NRG1: variants seen among roughly 807,000 people sequenced by gnomAD.
NRG1 encodes the protein pro-neuregulin-1, membrane-bound isoform.
A neutral mutation model predicts 63.8 loss-of-function variants in NRG1; 18 were observed. That is an observed-to-expected ratio of 0.28 (90% CI 0.19 to 0.42). The LOEUF (loss-of-function observed/expected upper bound fraction) is 0.42. Ranked by LOEUF, NRG1 falls within the 10% of genes least tolerant of loss-of-function variation. The pLI is 1.00. For synonymous variants in NRG1, 302 were observed against 301.3 expected (o/e 1.00, Z -0.02); for missense variants, 762 against 814.7 (o/e 0.94, Z 0.79).
At chr8:32,165,251 A>G (rs1170981914) in intron 1 of NRG1, among the ~76,000 whole-genome samples, 1 of 151,664 alleles carries the variant, frequency 6.6e-6, no homozygotes, top group African/African-American at 2.4e-5. Context: ...CAATCTTCCT[A>G]CCTCAGCCTT....
intron 1 of NRG1, among the ~76,000 whole-genome samples, chr8:31,779,961 T>TAAAC (rs961152377): frequency 6.6e-6 from 1 of 152,184 alleles, no homozygotes; most frequent in Admixed American, 6.5e-5. Context: ...GATTACAACA[T>TAAAC]AAACAAGAAC....
intron 1 of NRG1, among the ~76,000 whole-genome samples, chr8:32,355,670 A>G (rs1001962823): frequency 1.3e-4 from 4 of 31,660 alleles, no homozygotes; most frequent in East Asian, 1.2e-3. Flanking sequence ...AAGAAGGGGG[A>G]AAAAAAAAAC....
intron 1 of NRG1, among the ~76,000 whole-genome samples, chr8:32,373,277 G>T (rs756785560): frequency 7.2e-5 from 11 of 152,172 alleles, no homozygotes; most frequent in Admixed American, 1.3e-4. Flanking sequence ...AAGACCTGGT[G>T]TAACTGGAAT....
chr8:32,112,203 A>G (rs950680247), intron 1 of NRG1, among the ~76,000 whole-genome samples: 1 of 152,224 alleles, frequency 6.6e-6, no homozygotes, highest in Admixed American at 6.5e-5. Flanking sequence ...TAGTTGCATT[A>G]GGGCTTCCTT....
intron 5 of NRG1, among the ~76,000 whole-genome samples, chr8:32,699,206 T>C (rs749333419): frequency 2.0e-5 from 3 of 152,186 alleles, no homozygotes; most frequent in Non-Finnish European, 2.9e-5. Flanking sequence ...TGATAGTACA[T>C]ATAAGTAATT....
intron 1 of NRG1, among the ~76,000 whole-genome samples, chr8:31,741,982 T>C (rs1270637293): frequency 1.3e-5 from 2 of 151,998 alleles, no homozygotes; most frequent in South Asian, 2.1e-4. Context: ...GACTGATAGA[T>C]TGGCAGATAG....
At chr8:32,305,818 G>A (rs900282056) in intron 1 of NRG1, among the ~76,000 whole-genome samples, 3 of 152,180 alleles carry the variant, frequency 2.0e-5, no homozygotes, top group African/African-American at 4.8e-5. Context: ...CCAAAGTCAC[G>A]TGCATGTTCA....
At chr8:32,156,599 G>T (rs1453876431) in intron 1 of NRG1, among the ~76,000 whole-genome samples, 1 of 152,230 alleles carries the variant, frequency 6.6e-6, no homozygotes, top group Non-Finnish European at 1.5e-5. Context: ...TTCAGGCCCT[G>T]TATCCCCATT....
At chr8:31,740,816 C>T (rs1483448275) in intron 1 of NRG1, among the ~76,000 whole-genome samples, 1 of 151,966 alleles carries the variant, frequency 6.6e-6, no homozygotes, top group Non-Finnish European at 1.5e-5. Flanking sequence ...GACAAGAACT[C>T]TGGGTGTTAC....
At chr8:32,752,978 T>C (rs550573662) in intron 7 of NRG1, among the ~76,000 whole-genome samples, 1 of 152,218 alleles carries the variant, frequency 6.6e-6, no homozygotes, top group South Asian at 2.1e-4. Context: ...TAAAATTCAC[T>C]TTTTCATTTC....
chr8:32,239,780 T>G (rs1414986175), intron 1 of NRG1, among the ~76,000 whole-genome samples: 1 of 152,074 alleles, frequency 6.6e-6, no homozygotes, highest in Non-Finnish European at 1.5e-5. Context: ...AAAGATGATA[T>G]ACAGATGGAA....
intron 1 of NRG1, among the ~76,000 whole-genome samples, chr8:32,311,666 C>T (rs143137355): frequency 2.6e-5 from 4 of 152,226 alleles, no homozygotes; most frequent in Non-Finnish European, 2.9e-5. Context: ...AGTTGGAAGA[C>T]GTGATTTATA....
chr8:31,979,784 A>G (rs1357519870), intron 1 of NRG1, among the ~76,000 whole-genome samples: 1 of 152,054 alleles, frequency 6.6e-6, no homozygotes, highest in Non-Finnish European at 1.5e-5. Flanking sequence ...GTATCCCAAG[A>G]TTTTCTCAGA....
intron 5 of NRG1, among the ~76,000 whole-genome samples, chr8:32,641,107 A>T (rs1588913390): frequency 6.6e-6 from 1 of 151,650 alleles, no homozygotes; most frequent in African/African-American, 2.4e-5. Context: ...GCACCACTGC[A>T]CTCCAGCCTG....
intron 1 of NRG1, among the ~76,000 whole-genome samples, chr8:32,121,399 G>A (rs978897983): frequency 6.7e-5 from 2 of 29,826 alleles, no homozygotes; most frequent in East Asian, 6.2e-4. Context: ...CTGGGAAATC[G>A]TGTGTGTGTG....
intron 1 of NRG1, among the ~76,000 whole-genome samples, chr8:31,774,064 C>T (rs1818881356): frequency 6.6e-6 from 1 of 152,024 alleles, no homozygotes; most frequent in Admixed American, 6.6e-5. Flanking sequence ...CTTGCTATGG[C>T]TCACAGGAAC....
At chr8:32,604,083 G>A (rs1217526490) in intron 2 of NRG1, among the ~76,000 whole-genome samples, 2 of 152,142 alleles carry the variant, frequency 1.3e-5, no homozygotes, top group Non-Finnish European at 2.9e-5. Flanking sequence ...ACATACTGAA[G>A]GAACTCTCAT....
intron 1 of NRG1, among the ~76,000 whole-genome samples, chr8:32,302,954 G>A (rs1277850236): frequency 2.0e-5 from 3 of 152,154 alleles, no homozygotes; most frequent in Non-Finnish European, 4.4e-5. Context: ...GGCCGAGGAG[G>A]GCGGATCACC....
chr8:32,357,990 C>T (rs999953687), intron 1 of NRG1, among the ~76,000 whole-genome samples: 2 of 152,132 alleles, frequency 1.3e-5, no homozygotes, highest in Non-Finnish European at 2.9e-5. Context: ...ATCTCCCAGC[C>T]TCTTCTGCAG....
Sources: gnomAD v4.1 joint callset for allele counts (sites outside exome capture counted in the v4.1 genomes callset) on GRCh38, gnomAD v4.1.1 for gene constraint, MANE v1.5 for transcripts, NCBI Gene and HGNC (gene_info 2026-07-23, HGNC 2026-07-21) for gene names.